DPP10: variants seen among roughly 807,000 people sequenced by gnomAD.
The protein encoded by DPP10 is dipeptidyl peptidase like 10, also known as inactive dipeptidyl peptidase 10.
DPP10 carries 33 observed loss-of-function variants against 120.9 expected under a neutral mutation model. The observed-to-expected ratio is 0.27, with a 90% CI of 0.21 to 0.37. DPP10 has a LOEUF of 0.37. Ranked by LOEUF, DPP10 falls within the 10% of genes least tolerant of loss-of-function variation. The pLI is 1.00. For missense variants in DPP10, 816 were observed against 942.8 expected, an observed-to-expected ratio of 0.87 and a Z score of 1.76; for synonymous variants, 337 against 326.1, an observed-to-expected ratio of 1.03 and a Z score of -0.36.
At chr2:114,968,204 G>A (rs966302302) in intron 1 of DPP10, among the ~76,000 whole-genome samples, 2 of 152,246 alleles carry the variant, frequency 1.3e-5, no homozygotes, top group East Asian at 3.9e-4. Context: ...ATATCTTCAT[G>A]TCTTAGCCTC....
At chr2:115,381,757 G>C (rs1417472855) in intron 3 of DPP10, among the ~76,000 whole-genome samples, 2 of 151,972 alleles carry the variant, frequency 1.3e-5, no homozygotes, top group African/African-American at 4.8e-5. Flanking sequence ...CTGTTTGTTA[G>C]TTTTCCTTTT....
chr2:114,887,232 A>G (rs1692149953), intron 1 of DPP10, among the ~76,000 whole-genome samples: 1 of 152,192 alleles, frequency 6.6e-6, no homozygotes, highest in African/African-American at 2.4e-5. Flanking sequence ...AAGATGATTC[A>G]TGGTATGAAT....
chr2:115,139,865 G>A (rs1256055243), intron 1 of DPP10, among the ~76,000 whole-genome samples: 1 of 151,268 alleles, frequency 6.6e-6, no homozygotes, highest in East Asian at 2.0e-4. Context: ...ACTCTAATGT[G>A]TGCTTCTTTG....
At chr2:115,081,603 T>G (rs1265525424) in intron 1 of DPP10, among the ~76,000 whole-genome samples, 1 of 152,216 alleles carries the variant, frequency 6.6e-6, no homozygotes, top group African/African-American at 2.4e-5. Flanking sequence ...GTCTTTACCT[T>G]TTGCTGTGGT....
chr2:114,674,694 G>A (rs1438922180), intron 1 of DPP10, among the ~76,000 whole-genome samples: 1 of 152,106 alleles, frequency 6.6e-6, no homozygotes, highest in Non-Finnish European at 1.5e-5. Context: ...TGGACTAGAT[G>A]CGCTATTGAG....
In DPP10 at chr2:114,705,257, A is replaced by G. The variant is rs17784443; in HGVS notation, c.60+262419A>G. On this transcript the variant is annotated intron_variant, in intron 1 of 25. Coordinates refer to ENST00000410059, the MANE Select transcript of DPP10 (RefSeq NM_020868.6). ...GAAAATTCTTATCCTAATATGACAT[A>G]ATCTTTTAGCCCAGTACCTTTTAAA... Among the ~76,000 whole-genome samples the G allele has an allele frequency of 3.1e-4, 47 of 152,246 alleles. 1 individual carries two copies. Among genetic ancestry groups the G allele is most frequent in the African/African-American group, 8.9e-4 (37 of 41,556 alleles).
intron 1 of DPP10, among the ~76,000 whole-genome samples, chr2:114,863,512 A>C (rs978562566): frequency 6.6e-6 from 1 of 152,014 alleles, no homozygotes; most frequent in East Asian, 1.9e-4. Context: ...TCACTCTTCC[A>C]TTCTCCACTA....
chr2:114,929,905 A>C (rs1336632847), intron 1 of DPP10, among the ~76,000 whole-genome samples: 1 of 152,174 alleles, frequency 6.6e-6, no homozygotes, highest in East Asian at 1.9e-4. Context: ...AAAAATATTA[A>C]TTTGGGGAAC....
chr2:115,074,855 T>C (rs2104460425), intron 1 of DPP10, among the ~76,000 whole-genome samples: 1 of 152,324 alleles, frequency 6.6e-6, no homozygotes, highest in South Asian at 2.1e-4. Flanking sequence ...ATATGTGATA[T>C]ATCTGACTTG....
At chr2:115,381,975 T>A (rs1257640859) in intron 3 of DPP10, among the ~76,000 whole-genome samples, 3 of 152,102 alleles carry the variant, frequency 2.0e-5, no homozygotes, top group Non-Finnish European at 4.4e-5. Flanking sequence ...ACAGGGACAT[T>A]TACGTCTGCA....
chr2:115,665,846 G>T (rs944588346), intron 5 of DPP10, among the ~76,000 whole-genome samples: 4 of 151,086 alleles, frequency 2.6e-5, no homozygotes, highest in African/African-American at 9.7e-5. Flanking sequence ...TTATATTTCT[G>T]TTTTTTATTT....
Position 115,573,276 on chromosome 2 carries a change from ATTTTTTTT to A in DPP10, c.441+47321_441+47328del, listed in dbSNP as rs34420249. On this transcript the variant is annotated intron_variant, in intron 5 of 25. Transcript: ENST00000410059. The stretch of plus-strand genomic sequence containing the variant: ...CTGCATGAAGCCCAGGCTTCCTGGG[ATTTTTTTT>A]TTTTTTTTTTTTTTTTGAGAAGGAG... Among the ~76,000 whole-genome samples the A allele has an allele frequency of 1.3e-4, 11 of 86,530 alleles. No individual in the cohort carries two copies. In the East Asian group the frequency reaches 3.0e-3, roughly 24 times the overall value. The allele number at this position is 86,530 out of a possible 152,430, so 56.8% of individuals were successfully genotyped here.
chr2:115,097,664 C>T (rs1037866753), intron 1 of DPP10, among the ~76,000 whole-genome samples: 1 of 152,168 alleles, frequency 6.6e-6, no homozygotes, highest in Non-Finnish European at 1.5e-5. Flanking sequence ...GGCTTCAACA[C>T]TTCTTAAAAG....
chr2:115,075,794 C>G (rs1391912483), intron 1 of DPP10, among the ~76,000 whole-genome samples: 1 of 150,800 alleles, frequency 6.6e-6, no homozygotes. Flanking sequence ...TTCTGTATAC[C>G]TTTGTTTGAG....
At position 115,625,823 on chromosome 2, in the gene DPP10, T is replaced by TA. The variant is rs368344307; in HGVS notation, c.442-63858dup. Among the ~76,000 whole-genome samples the TA allele has an allele frequency of 3.3e-3, 499 of 152,014 alleles. 2 individuals carry two copies. The highest frequency in any genetic ancestry group is 0.011 in the African/African-American group (460 of 41,530). On this transcript the variant is annotated intron_variant, in intron 5 of 25. Transcript: ENST00000410059. ...CACTGAGTAGAATAGTATTTGGCCA[T>TA]AAAAAAGAATGAAGAAAGTTTTCTC... is the stretch of plus-strand genomic sequence containing the variant.
intron 1 of DPP10, among the ~76,000 whole-genome samples, chr2:114,791,481 C>T (rs1374139317): frequency 1.3e-5 from 2 of 152,126 alleles, no homozygotes; most frequent in Non-Finnish European, 2.9e-5. Context: ...AGGAAGTAAG[C>T]GTAGTGTTGA....
chr2:115,736,704 G>C (rs114090543), intron 8 of DPP10, among the ~76,000 whole-genome samples: 2 of 152,046 alleles, frequency 1.3e-5, no homozygotes, highest in Non-Finnish European at 2.9e-5. Flanking sequence ...AAAAATTCAC[G>C]TGCCATCAGC....
chr2:115,346,998 G>C (rs1043027548), intron 3 of DPP10, among the ~76,000 whole-genome samples: 1 of 152,096 alleles, frequency 6.6e-6, no homozygotes, highest in Non-Finnish European at 1.5e-5. Flanking sequence ...CTGTCGTAGG[G>C]TGGAAAGGTA....
chr2:115,176,397 A>G (rs529089042), intron 1 of DPP10, among the ~76,000 whole-genome samples: 5 of 150,454 alleles, frequency 3.3e-5, no homozygotes, highest in African/African-American at 1.2e-4. Context: ...TTTAATCCTC[A>G]CCATAACCTT....
Sources: allele counts gnomAD v4.1 joint callset (sites outside exome capture counted in the v4.1 genomes callset), GRCh38; gene constraint gnomAD v4.1.1; transcripts MANE v1.5; gene names NCBI Gene and HGNC (gene_info 2026-07-23, HGNC 2026-07-21).